The following CTNND2 variants were observed in gnomAD, a reference collection of about 807,000 sequenced individuals.
The protein encoded by CTNND2 is catenin delta-2.
Under a neutral mutation model 144.4 loss-of-function variants are expected in CTNND2, and 22 were observed. The observed-to-expected ratio is 0.15, with a 90% CI of 0.11 to 0.22. CTNND2 has a LOEUF of 0.22. CTNND2 is among the 10% of genes least tolerant of loss of function. CTNND2 has a pLI of 1.00. For missense variants in CTNND2, 1,353 were observed against 1,618.8 expected (o/e 0.84, Z 2.82); for synonymous variants, 751 against 695.6 (o/e 1.08, Z -1.25).
intron 3 of CTNND2, among the ~76,000 whole-genome samples, chr5:11,445,410 C>T (rs1561405148): frequency 6.6e-6 from 1 of 152,178 alleles, no homozygotes; most frequent in Non-Finnish European, 1.5e-5. Context: ...TTCAACATGT[C>T]GTTCTAGGGG....
intron 2 of CTNND2, among the ~76,000 whole-genome samples, chr5:11,701,029 C>T (rs1785409220): frequency 6.6e-6 from 1 of 152,156 alleles, no homozygotes; most frequent in African/African-American, 2.4e-5. Context: ...TAAACAGATG[C>T]TCACTTTGGT....
intron 19 of CTNND2, among the ~76,000 whole-genome samples, chr5:10,989,192 T>A (rs966633231): frequency 5.9e-5 from 9 of 152,046 alleles, no homozygotes; most frequent in Non-Finnish European, 8.8e-5. Flanking sequence ...CTGGGAGAGG[T>A]TGGCAGGAGC....
intron 2 of CTNND2, among the ~76,000 whole-genome samples, chr5:11,633,731 G>A (rs561737270): frequency 3.3e-5 from 5 of 150,412 alleles, no homozygotes; most frequent in Admixed American, 3.3e-4. Flanking sequence ...AGCCACAAAT[G>A]TGCCAATGTA....
At chr5:11,052,610 A>G (rs58559173) in intron 16 of CTNND2, among the ~76,000 whole-genome samples, 6,410 of 152,122 alleles carry the variant, frequency 0.042, 475 homozygotes, top group African/African-American at 0.15. Flanking sequence ...CTTAAACCAG[A>G]ATTCAAATTC....
intron 3 of CTNND2, among the ~76,000 whole-genome samples, chr5:11,457,946 T>C (rs1009445101): frequency 2.6e-5 from 4 of 152,212 alleles, no homozygotes; most frequent in African/African-American, 9.6e-5. Context: ...CTTACTTGCA[T>C]GGGCTCTGAA....
At chr5:11,319,760 A>G (rs1223393119) in intron 9 of CTNND2, among the ~76,000 whole-genome samples, 1 of 152,210 alleles carries the variant, frequency 6.6e-6, no homozygotes, top group Non-Finnish European at 1.5e-5. Context: ...ACCTTAGGTG[A>G]TCCACCAGCC....
At chr5:11,083,521 G>A (rs540303509) in intron 15 of CTNND2, among the ~76,000 whole-genome samples, 5 of 152,284 alleles carry the variant, frequency 3.3e-5, no homozygotes, top group East Asian at 3.9e-4. Context: ...GTTGGTGGTC[G>A]TCAGCCTTAA....
intron 9 of CTNND2, among the ~76,000 whole-genome samples, chr5:11,302,447 C>G (rs948594181): frequency 6.6e-6 from 1 of 152,134 alleles, no homozygotes; most frequent in South Asian, 2.1e-4. Flanking sequence ...CTTTATCCCC[C>G]AGTCTGTTCC....
chr5:11,680,100 G>T (rs775056559), intron 2 of CTNND2, among the ~76,000 whole-genome samples: 1 of 152,132 alleles, frequency 6.6e-6, no homozygotes, highest in Admixed American at 6.5e-5. Flanking sequence ...GAGGGAGAAC[G>T]TTCCAGACAA....
intron 9 of CTNND2, among the ~76,000 whole-genome samples, chr5:11,253,153 G>T (rs1343533839): frequency 6.6e-6 from 1 of 152,140 alleles, no homozygotes; most frequent in African/African-American, 2.4e-5. Context: ...CTCTCAACCA[G>T]TTCTTACACC....
At chr5:11,403,116 G>A (rs760901555) in intron 5 of CTNND2, among the ~76,000 whole-genome samples, 39 of 152,012 alleles carry the variant, frequency 2.6e-4, no homozygotes, top group Non-Finnish European at 4.6e-4. Flanking sequence ...TACATGTGCC[G>A]TGGTTGTTTG....
chr5:11,071,409 C>G (rs1301256183), intron 16 of CTNND2, among the ~76,000 whole-genome samples: 1 of 152,098 alleles, frequency 6.6e-6, no homozygotes, highest in Non-Finnish European at 1.5e-5. Flanking sequence ...ATGGTGGCGT[C>G]TGCACCTGTA....
intron 11 of CTNND2, among the ~76,000 whole-genome samples, chr5:11,163,993 C>T (rs910146420): frequency 3.3e-5 from 5 of 152,114 alleles, no homozygotes; most frequent in Non-Finnish European, 5.9e-5. Flanking sequence ...GCTGGCAAGG[C>T]TGGCTCCTTC....
At chr5:11,733,172 C>T (rs1327746278) in intron 1 of CTNND2, among the ~76,000 whole-genome samples, 3 of 152,218 alleles carry the variant, frequency 2.0e-5, no homozygotes, top group East Asian at 3.9e-4. Flanking sequence ...AGAATCCAAC[C>T]CAGGGACTGT....
At chr5:11,150,617 CTTTTTTTTTTTTTTTT>C (rs10602477) in intron 12 of CTNND2, among the ~76,000 whole-genome samples, 5 of 72,016 alleles carry the variant, frequency 6.9e-5, no homozygotes, top group Non-Finnish European at 1.3e-4. Flanking sequence ...CTGCTGCCTT[CTTTTTTTTTTTTTTTT>C]TTTTTTTTTT....
chr5:11,320,865 C>T (rs1267479338), intron 9 of CTNND2, among the ~76,000 whole-genome samples: 2 of 152,048 alleles, frequency 1.3e-5, no homozygotes, highest in Non-Finnish European at 2.9e-5. Flanking sequence ...CTAAAATAGG[C>T]CCTGGTTAAT....
At chr5:11,144,224 ATT>A (rs1385104429) in intron 12 of CTNND2, among the ~76,000 whole-genome samples, 2 of 152,224 alleles carry the variant, frequency 1.3e-5, no homozygotes, top group African/African-American at 4.8e-5. Context: ...TAAACAGACT[ATT>A]TAAGTTCCAT....
intron 1 of CTNND2, among the ~76,000 whole-genome samples, chr5:11,844,438 C>T (rs1220261284): frequency 6.6e-6 from 1 of 151,990 alleles, no homozygotes; most frequent in East Asian, 1.9e-4. Flanking sequence ...ATTTTGAAGA[C>T]TAATAATGCA....
At chr5:11,712,742 G>A (rs572907227) in intron 2 of CTNND2, among the ~76,000 whole-genome samples, 10 of 152,080 alleles carry the variant, frequency 6.6e-5, no homozygotes, top group Admixed American at 3.3e-4. Context: ...CAAAAGAGTC[G>A]TTCATCCTAG....
Sources: gnomAD v4.1 joint callset for allele counts (sites outside exome capture counted in the v4.1 genomes callset) on GRCh38, gnomAD v4.1.1 for gene constraint, MANE v1.5 for transcripts, NCBI Gene and HGNC (gene_info 2026-07-23, HGNC 2026-07-21) for gene names.